GSTZ1: variants seen among roughly 807,000 people sequenced by gnomAD.
GSTZ1 encodes glutathione S-transferase zeta 1.
GSTZ1 carries 34 observed loss-of-function variants against 35.9 expected under a neutral mutation model. The observed-to-expected ratio is 0.95, with a 90% confidence interval of 0.72 to 1.26. GSTZ1 has a LOEUF of 1.26. Among genes scored for constraint, GSTZ1 ranks in the 50% most tolerant of loss-of-function variants. GSTZ1 has a pLI of 0.00. For synonymous variants in GSTZ1, 93 were observed against 101.2 expected, an observed-to-expected ratio of 0.92 and a Z score of 0.49; for missense variants, 263 against 271.7, an observed-to-expected ratio of 0.97 and a Z score of 0.23.
intron 8 of GSTZ1, among the ~76,000 whole-genome samples, chr14:77,330,602 C>T (rs949553047): frequency 1.3e-5 from 2 of 152,196 alleles, no homozygotes; most frequent in East Asian, 3.9e-4. Flanking sequence ...GGAGGTGGCT[C>T]ACCTGGTGGA....
intron 5 of GSTZ1, 104 bp downstream of exon 5, chr14:77,328,141 AG>A: frequency 9.4e-7 from 1 of 1,066,778 alleles, no homozygotes; most frequent in Non-Finnish European, 1.4e-6. Flanking sequence ...CAAGGGAGGG[AG>A]GGGGATTCTC....
intron 2 of GSTZ1, 159 bp downstream of exon 2, chr14:77,325,080 G>C: frequency 1.5e-6 from 1 of 660,698 alleles, no homozygotes. Flanking sequence ...CCCCATCCCT[G>C]CATGGCATCT....
At chr14:77,330,841 G>A (rs919099531) in intron 8 of GSTZ1, among the ~76,000 whole-genome samples, 1 of 152,148 alleles carries the variant, frequency 6.6e-6, no homozygotes, top group Non-Finnish European at 1.5e-5. Flanking sequence ...CTAGCACTGG[G>A]CCTTACACAT....
At position 77,321,108 on chromosome 14, in the gene GSTZ1, G is replaced by A; in HGVS notation, c.-61G>A. ...CGTCGAGTCTCACTGAGCCTTAGTC[G>A]TCGGCAGGTCCCAGGCGCGAAGTTT... On this transcript the variant is annotated 5_prime_UTR_variant, in exon 1 of 9. Coordinates refer to ENST00000216465, the MANE Select transcript of GSTZ1 (RefSeq NM_145870.3). 2 of 1,432,196 alleles carry A rather than the reference G, an allele frequency of 1.4e-6. No individual in the cohort carries two copies. The allele number at this position is 1,432,196 out of a possible 1,614,324, so 88.7% of individuals were successfully genotyped here.
At position 77,326,822 on chromosome 14, in the gene GSTZ1, G is replaced by A. The variant is rs746515820; in HGVS notation, c.68-16G>A. ...AGAGGCTGTTCTTTGACTCCGCTATGTGCGGTCTCTCCTAGCTCTGGCCTT... is the reference window on the plus strand; with the variant it reads ...AGAGGCTGTTCTTTGACTCCGCTATATGCGGTCTCTCCTAGCTCTGGCCTT... On this transcript the variant is annotated splice_polypyrimidine_tract_variant and intron_variant, in intron 2 of 8. Coordinates refer to ENST00000216465, the MANE Select transcript of GSTZ1 (RefSeq NM_145870.3). The A allele has an allele frequency of 3.0e-5, 47 of 1,588,406 alleles. No individual in the cohort carries two copies. The highest frequency in any genetic ancestry group is 3.3e-5 in the Non-Finnish European group (38 of 1,162,130).
chr14:77,321,275 G>A, intron 1 of GSTZ1, 92 bp downstream of exon 1: 1 of 1,523,412 alleles, frequency 6.6e-7, no homozygotes, highest in Non-Finnish European at 8.9e-7. Flanking sequence ...CGCCCGCCCA[G>A]GCCGACAACG....
intron 1 of GSTZ1, 24 bp from the exon 2 acceptor site, chr14:77,324,846 C>A (rs759000655): frequency 1.1e-5 from 18 of 1,612,370 alleles, no homozygotes; most frequent in Non-Finnish European, 1.4e-5. Context: ...GGTTAACACG[C>A]GCCTTCATCC....
At chr14:77,328,904 AGGCCACTGG>A in intron 5 of GSTZ1, 1 of 587,052 alleles carries the variant, frequency 1.7e-6, no homozygotes, top group Middle Eastern at 4.5e-4. Flanking sequence ...TGGCTTTTTG[AGGCCACTGG>A]GGCAGCCTGC....
intron 2 of GSTZ1, 105 bp downstream of exon 2, chr14:77,325,026 G>C (rs1892248805): frequency 1.1e-6 from 1 of 949,112 alleles, no homozygotes. Flanking sequence ...CTCTGTCAGA[G>C]AGGACCTCAC....
intron 1 of GSTZ1, chr14:77,324,403 C>T: frequency 1.6e-6 from 1 of 611,950 alleles, no homozygotes; most frequent in Non-Finnish European, 3.0e-6. Context: ...CACCTTGGCT[C>T]CCGAAGTGCT....
chr14:77,321,609 C>A, intron 1 of GSTZ1: 1 of 1,049,596 alleles, frequency 9.5e-7, no homozygotes, highest in Non-Finnish European at 1.2e-6. Flanking sequence ...CCGGGCCGGG[C>A]GCGGTGGCTC....
intron 3 of GSTZ1, chr14:77,327,196 T>A: frequency 1.7e-6 from 1 of 593,822 alleles, no homozygotes; most frequent in South Asian, 2.0e-5. Context: ...GCCCTCTGGA[T>A]GGCTGACTAG....
At chr14:77,321,569 C>G (rs1891979686) in intron 1 of GSTZ1, 13 of 1,221,402 alleles carry the variant, frequency 1.1e-5, no homozygotes, top group Non-Finnish European at 1.4e-5. Context: ...AGGAGGTGAC[C>G]TTCCAGTAAT....
Position 77,331,201 on chromosome 14 carries a change from A to G in GSTZ1, c.*6A>G. 1 of 1,611,466 alleles carries G rather than the reference A, an allele frequency of 6.2e-7. No homozygotes were observed. The highest frequency in any genetic ancestry group is 8.5e-7 in the Non-Finnish European group (1 of 1,178,486). The stretch of plus-strand genomic sequence containing the variant: ...CCACTGAGCTGAGGGCCTAGCTCCC[A>G]AATCCTGCCCCGTTGGCACAGGGCC... On this transcript the variant is annotated 3_prime_UTR_variant, in exon 9 of 9. Transcript: ENST00000216465.
intron 7 of GSTZ1, chr14:77,330,078 C>T (rs1594828856): frequency 1.5e-6 from 1 of 681,422 alleles, no homozygotes; most frequent in Non-Finnish European, 2.7e-6. Context: ...CTCTGGCCCT[C>T]TCAACCCACA....
At chr14:77,328,931 G>A in intron 5 of GSTZ1, 192 bp from the exon 6 acceptor site, 1 of 602,648 alleles carries the variant, frequency 1.7e-6, no homozygotes, top group Non-Finnish European at 3.0e-6. Context: ...TGCAAAGGTG[G>A]CTGCTGGGAT....
intron 1 of GSTZ1, chr14:77,321,542 C>T: frequency 7.8e-7 from 1 of 1,288,656 alleles, no homozygotes; most frequent in Non-Finnish European, 1.0e-6. Context: ...CCTTCATGCT[C>T]TTCTCTTGGC....
intron 7 of GSTZ1, 191 bp from the exon 8 acceptor site, chr14:77,330,119 C>G (rs922308543): frequency 2.4e-5 from 17 of 722,192 alleles, no homozygotes; most frequent in Non-Finnish European, 4.3e-5. Flanking sequence ...TGGAGCATGG[C>G]CTGGGAGGGC....
At chr14:77,328,654 CAG>C (rs1474152841) in intron 5 of GSTZ1, 9 of 180,862 alleles carry the variant, frequency 5.0e-5, no homozygotes, top group South Asian at 1.3e-4. Context: ...AATGAGGAAA[CAG>C]AGGGAAAATG....
Sources: gnomAD v4.1 joint callset for allele counts (sites outside exome capture counted in the v4.1 genomes callset) on GRCh38, gnomAD v4.1.1 for gene constraint, MANE v1.5 for transcripts, NCBI Gene and HGNC (gene_info 2026-07-23, HGNC 2026-07-21) for gene names.